Variants in PRH1 observed in about 807,000 individuals in gnomAD.
PRH1 encodes the protein proline rich protein HaeIII subfamily 1, also known as salivary acidic proline-rich phosphoprotein 1/2.
Under a neutral mutation model 7.9 loss-of-function variants are expected in PRH1, and 7 were observed. The ratio of observed to expected loss-of-function variants is 0.89; its 90% CI spans 0.50 to 1.67. The LOEUF (loss-of-function observed/expected upper bound fraction) is 1.67, where lower values mean the gene tolerates loss of function less well. PRH1 is among the 40% of genes most tolerant of loss of function. The probability of loss-of-function intolerance (pLI) is 0.00; values close to 1 mark genes in which losing one functional copy is unlikely to be tolerated. For synonymous variants in PRH1, 45 were observed against 80.8 expected (o/e 0.56, Z 2.38); for missense variants, 109 against 223.6 (o/e 0.49, Z 3.27).
intron 1 of PRH1, among the ~76,000 whole-genome samples, chr12:11,027,652 G>C (rs556255657): frequency 8.5e-5 from 13 of 152,308 alleles, no homozygotes; most frequent in African/African-American, 3.1e-4. Context: ...GAACAAATGA[G>C]GGCTCTACAG....
At chr12:11,019,291 A>AG (rs1555136663) in intron 1 of PRH1, among the ~76,000 whole-genome samples, 1 of 144,928 alleles carries the variant, frequency 6.9e-6, no homozygotes, top group Non-Finnish European at 1.5e-5. Flanking sequence ...TGTCTGTCTC[A>AG]CTAATTGTGA....
At chr12:11,033,406 A>AAAAC (rs1565575869) in intron 1 of PRH1, among the ~76,000 whole-genome samples, 11 of 145,580 alleles carry the variant, frequency 7.6e-5, no homozygotes, top group African/African-American at 2.8e-4. Flanking sequence ...CAAAACAAAA[A>AAAAC]ACCAACATCA....
At position 11,070,374 on chromosome 12, in the gene PRH1, G is replaced by C. The variant is rs562501411; in HGVS notation, n.124-23186C>G. On this transcript the variant is annotated intron_variant and non_coding_transcript_variant, in intron 1 of 4. Transcript: ENST00000541977. ...ATGCTCACCTCCAAAGTGTTAGCAG[G>C]CTACCACACATGTGAGCAGCCCACC... is the stretch of plus-strand genomic sequence containing the variant. Among the ~76,000 whole-genome samples, 52 of 149,756 alleles carry C rather than the reference G, an allele frequency of 3.5e-4. No homozygotes were observed. The South Asian group carries it at 4.2e-3, about 12-fold the overall frequency.
intron 2 of PRH1, chr12:10,930,300 A>G: frequency 6.2e-7 from 1 of 1,612,432 alleles, no homozygotes; most frequent in Non-Finnish European, 8.5e-7. Flanking sequence ...CCTTGGTAAT[A>G]TCAGGTAAAT....
intron 1 of PRH1, chr12:11,171,248 C>T (rs1947832800): frequency 4.3e-6 from 3 of 696,604 alleles, no homozygotes; most frequent in Non-Finnish European, 6.0e-6. Flanking sequence ...GGTGTGAGCC[C>T]GGGAGCCGCT....
intron 2 of PRH1, among the ~76,000 whole-genome samples, chr12:10,899,042 C>T (rs375518817): frequency 5.3e-5 from 8 of 152,298 alleles, no homozygotes; most frequent in African/African-American, 1.2e-4. Context: ...TTTGTACTTG[C>T]GTGGTGCCTA....
intron 1 of PRH1, chr12:11,021,866 T>C (rs374667272): frequency 7.4e-6 from 12 of 1,614,118 alleles, no homozygotes; most frequent in Non-Finnish European, 9.3e-6. Flanking sequence ...GCAAATAACA[T>C]GAGGAAGGAG....
intron 2 of PRH1, among the ~76,000 whole-genome samples, chr12:10,963,007 T>G (rs1055164655): frequency 2.6e-5 from 4 of 152,212 alleles, no homozygotes; most frequent in Non-Finnish European, 5.9e-5. Flanking sequence ...CCTGACCTCG[T>G]GATCCGCCCA....
chr12:11,087,291 G>A (rs796397135), intron 1 of PRH1, among the ~76,000 whole-genome samples: 2,558 of 73,982 alleles, frequency 0.035, 12 homozygotes, highest in Non-Finnish European at 0.05. Flanking sequence ...TTGTAGAGAT[G>A]GAGTTTCCAT....
At chr12:10,931,203 G>C (rs1198180355) in intron 2 of PRH1, 63 of 1,521,260 alleles carry the variant, frequency 4.1e-5, no homozygotes, top group Non-Finnish European at 5.5e-5. Flanking sequence ...TTTCTCATGA[G>C]TTTTGTTCAA....
upstream of PRH1, among the ~76,000 whole-genome samples, chr12:10,885,260 A>C (rs186329628): frequency 1.7e-3 from 263 of 152,330 alleles, no homozygotes; most frequent in African/African-American, 6.1e-3. Flanking sequence ...CTGTTTCATC[A>C]GAGTGTTCTT....
intron 2 of PRH1, among the ~76,000 whole-genome samples, chr12:10,971,564 T>C (rs1938816206): frequency 6.6e-6 from 1 of 152,154 alleles, no homozygotes; most frequent in African/African-American, 2.4e-5. Flanking sequence ...CACAGTGATA[T>C]TCATGTGTGT....
rs202023188 is a variant in PRH1 at position 11,132,252 on chromosome 12, T to C, written n.40-11072A>G. Among the ~76,000 whole-genome samples the C allele has an allele frequency of 3.1e-4, 47 of 152,394 alleles. No individual in the cohort carries two copies. The East Asian group carries it at 3.7e-3, about 12-fold the overall frequency. On this transcript the variant is annotated intron_variant and non_coding_transcript_variant, in intron 1 of 1. Coordinates refer to the PRH1 transcript ENST00000541175. ...TAGGACAAATCCCATAATTAATACA[T>C]AGATTTCATAGATACTATTTTAACA...
chr12:10,987,374 T>G (rs941833978), intron 1 of PRH1, among the ~76,000 whole-genome samples: 2 of 152,110 alleles, frequency 1.3e-5, no homozygotes, highest in African/African-American at 4.8e-5. Flanking sequence ...GGATTTACTA[T>G]TTATGCTACA....
At chr12:10,964,289 G>T (rs988463241) in intron 2 of PRH1, 2 of 153,674 alleles carry the variant, frequency 1.3e-5, no homozygotes, top group Non-Finnish European at 2.9e-5. Context: ...TTAGGTAAAA[G>T]ACTTTTCTAG....
upstream of PRH1, among the ~76,000 whole-genome samples, chr12:11,050,314 G>A (rs560455886): frequency 2.4e-4 from 36 of 152,326 alleles, no homozygotes; most frequent in East Asian, 1.3e-3. Context: ...GGGATGGGCC[G>A]AAACAAAGGG....
At chr12:11,071,067 T>C (rs776059391) in intron 1 of PRH1, among the ~76,000 whole-genome samples, 3 of 147,370 alleles carry the variant, frequency 2.0e-5, no homozygotes, top group Non-Finnish European at 4.5e-5. Flanking sequence ...AATAGAACCT[T>C]TCACCCCCAC....
At chr12:11,062,053 C>T in intron 1 of PRH1, 1 of 1,613,680 alleles carries the variant, frequency 6.2e-7, no homozygotes, top group African/African-American at 1.3e-5. Flanking sequence ...AGCAGTAATT[C>T]TTACTTCTAT....
rs776188484 is a variant in PRH1, at chr12:11,168,200, CGAAAGAAAGAAAGAAGAAAGAAA to C, written n.39+3199_39+3221del. Among the ~76,000 whole-genome samples, 132 of 36,368 alleles carry C rather than the reference CGAAAGAAAGAAAGAAGAAAGAAA, an allele frequency of 3.6e-3. 25 individuals are homozygous for C. The East Asian group carries it at 0.11, about 29-fold the overall frequency. 23.9% of individuals were successfully genotyped at this position (36,368 alleles called of 152,430 possible). On this transcript the variant is annotated intron_variant and non_coding_transcript_variant, in intron 1 of 1. Coordinates refer to the PRH1 transcript ENST00000541175. The stretch of plus-strand genomic sequence containing the variant: ...TACATATTAAAGCCATGGCAAAAAA[CGAAAGAAAGAAAGAAGAAAGAAA>C]GAAAGAAAGAAAGAAAGAAAGAAAG...
Sources: allele counts gnomAD v4.1 joint callset (sites outside exome capture counted in the v4.1 genomes callset), GRCh38; gene constraint gnomAD v4.1.1; transcripts MANE v1.5; gene names NCBI Gene and HGNC (gene_info 2026-07-23, HGNC 2026-07-21).